Variants in ZC3H3 observed in about 807,000 individuals in gnomAD.
ZC3H3 encodes the protein zinc finger CCCH-type containing 3.
ZC3H3 carries 36 observed loss-of-function variants against 77.3 expected under a neutral mutation model. That is an observed-to-expected ratio of 0.47 (90% CI 0.36 to 0.61). ZC3H3 has a LOEUF of 0.61. Ranked by LOEUF, ZC3H3 falls within the 20% of genes least tolerant of loss-of-function variation. The pLI is 0.00. For missense variants in ZC3H3, 1,331 were observed against 1,312.2 expected, an observed-to-expected ratio of 1.01 and a Z score of -0.22; for synonymous variants, 626 against 555.2, an observed-to-expected ratio of 1.13 and a Z score of -1.79.
chr8:143,496,502 C>G (rs1412171890), intron 4 of ZC3H3, among the ~76,000 whole-genome samples: 1 of 152,210 alleles, frequency 6.6e-6, no homozygotes, highest in African/African-American at 2.4e-5. Context: ...ACCTGAGAAC[C>G]AGAATAACAG....
chr8:143,470,301 A>G (rs1351003380), intron 5 of ZC3H3, among the ~76,000 whole-genome samples: 2 of 152,198 alleles, frequency 1.3e-5, no homozygotes, highest in African/African-American at 4.8e-5. Flanking sequence ...CTGGGGCAGG[A>G]GCAGGAGCTA....
chr8:143,540,096 G>T (rs1822960846), intron 1 of ZC3H3, among the ~76,000 whole-genome samples: 1 of 152,270 alleles, frequency 6.6e-6, no homozygotes, highest in Non-Finnish European at 1.5e-5. Flanking sequence ...TGTGATGGGA[G>T]CTCAAGAAGT....
chr8:143,530,066 G>T lies in ZC3H3; in HGVS notation c.1561+6191C>A, dbSNP rs985328608. Among the ~76,000 whole-genome samples the T allele has an allele frequency of 1.3e-5, 2 of 152,172 alleles. No homozygotes were observed. The highest frequency in any genetic ancestry group is 2.9e-5 in the Non-Finnish European group (2 of 68,028). ...GCAGACTGAGGGACGGGTAGGAATCGCCCTCCGTGTGTACAGCAAGCTCTG... is the reference window on the plus strand; with the variant it reads ...GCAGACTGAGGGACGGGTAGGAATCTCCCTCCGTGTGTACAGCAAGCTCTG... On this transcript the variant is annotated intron_variant, in intron 3 of 11. Transcript: ENST00000262577. The surrounding 1 kb of genome is among the most constrained non-coding windows in gnomAD (Gnocchi z 4.3).
chr8:143,516,282 C>T (rs560141970), intron 3 of ZC3H3, among the ~76,000 whole-genome samples: 19 of 152,186 alleles, frequency 1.2e-4, no homozygotes, highest in Non-Finnish European at 2.8e-4. Context: ...GCTCCCAGGA[C>T]CTCAAACGCT....
chr8:143,439,469 G>A (rs925610364), intron 11 of ZC3H3, among the ~76,000 whole-genome samples: 4 of 152,194 alleles, frequency 2.6e-5, no homozygotes, highest in East Asian at 1.9e-4. Flanking sequence ...AGAAAGGGTC[G>A]TTTGCAGCCA....
intron 8 of ZC3H3, among the ~76,000 whole-genome samples, chr8:143,467,118 C>A (rs752489188): frequency 6.6e-6 from 1 of 151,756 alleles, no homozygotes; most frequent in African/African-American, 2.4e-5. Context: ...GGCTGGGGGC[C>A]GTTTGGGGCT....
At chr8:143,512,747 G>A (rs1033321554) in intron 3 of ZC3H3, among the ~76,000 whole-genome samples, 1 of 152,250 alleles carries the variant, frequency 6.6e-6, no homozygotes, top group African/African-American at 2.4e-5. Flanking sequence ...TCAGGGGGTT[G>A]CACCTTCAGC....
chr8:143,445,462 A>G (rs1819843625), intron 9 of ZC3H3, among the ~76,000 whole-genome samples: 1 of 151,348 alleles, frequency 6.6e-6, no homozygotes, highest in African/African-American at 2.4e-5. Flanking sequence ...GGGTGGGAGG[A>G]TTGCTTGAGA....
At chr8:143,473,353 C>T (rs1820632840) in intron 5 of ZC3H3, among the ~76,000 whole-genome samples, 1 of 152,204 alleles carries the variant, frequency 6.6e-6, no homozygotes, top group African/African-American at 2.4e-5. Context: ...TGAGAAAGGC[C>T]TCCCTGACCA....
chr8:143,507,016 C>T (rs968483011), intron 4 of ZC3H3, among the ~76,000 whole-genome samples: 1 of 152,256 alleles, frequency 6.6e-6, no homozygotes, highest in Non-Finnish European at 1.5e-5. Context: ...GGGTCTGCCA[C>T]TGCCTGCTTC....
At chr8:143,481,688 C>T (rs1437358504) in intron 4 of ZC3H3, among the ~76,000 whole-genome samples, 1 of 152,236 alleles carries the variant, frequency 6.6e-6, no homozygotes, top group Non-Finnish European at 1.5e-5. Context: ...CGTGTTGTCG[C>T]TCTGCACCTC....
intron 9 of ZC3H3, among the ~76,000 whole-genome samples, chr8:143,452,731 CAG>C (rs1491331177): frequency 1.3e-5 from 2 of 152,122 alleles, no homozygotes; most frequent in African/African-American, 4.8e-5. Context: ...ATGGATGAGA[CAG>C]AGAACTGGAA....
intron 9 of ZC3H3, among the ~76,000 whole-genome samples, chr8:143,463,172 A>G (rs977377606): frequency 3.9e-5 from 6 of 152,020 alleles, no homozygotes; most frequent in Non-Finnish European, 8.8e-5. Flanking sequence ...TTTAGTAGAG[A>G]TGGGGTTTCA....
chr8:143,530,259 G>A lies in ZC3H3; in HGVS notation c.1561+5998C>T, dbSNP rs985685345. 4.6e-4 allele frequency among the ~76,000 whole-genome samples: 70 copies of A among 152,084 alleles called. No individual in the cohort carries two copies. Among genetic ancestry groups the A allele is most frequent in the African/African-American group, 1.5e-3 (64 of 41,404 alleles). ...CCGCACCCTCCACCAGCACACTGGC[G>A]ACAAGTCTGGGAAGGCGGCTGCTTC... On this transcript the variant is annotated intron_variant, in intron 3 of 11. Coordinates refer to ENST00000262577, the MANE Select transcript of ZC3H3 (RefSeq NM_015117.3). The surrounding 1 kb of genome is among the most constrained non-coding windows in gnomAD (Gnocchi z 4.3).
chr8:143,480,239 C>T (rs1820871955), intron 4 of ZC3H3, among the ~76,000 whole-genome samples: 2 of 152,134 alleles, frequency 1.3e-5, no homozygotes, highest in Admixed American at 1.3e-4. Context: ...CAGGGGCAAA[C>T]CTGGTGCATC....
At chr8:143,512,988 C>T (rs1473714985) in intron 3 of ZC3H3, among the ~76,000 whole-genome samples, 1 of 152,046 alleles carries the variant, frequency 6.6e-6, no homozygotes, top group Non-Finnish European at 1.5e-5. Flanking sequence ...GGGCATAGGC[C>T]CAGCGCCAGA....
intron 5 of ZC3H3, among the ~76,000 whole-genome samples, chr8:143,472,782 G>A (rs1026191877): frequency 6.6e-6 from 1 of 152,236 alleles, no homozygotes; most frequent in Non-Finnish European, 1.5e-5. Context: ...GCCCCTCCGT[G>A]GGTCCCGCGG....
In ZC3H3 at chr8:143,437,975, G is replaced by A. The variant is rs1819628882; in HGVS notation, c.*81C>T. On this transcript the variant is annotated 3_prime_UTR_variant, in exon 12 of 12. Transcript: ENST00000262577. ...AGGCTTGGTGGCGGGCGGCCCTCCTGTGGGGTAGAGTGGTGGACAGAGCCT... is the reference window on the plus strand; with the variant it reads ...AGGCTTGGTGGCGGGCGGCCCTCCTATGGGGTAGAGTGGTGGACAGAGCCT... 2.6e-6 allele frequency: 4 copies of A among 1,556,884 alleles called. No individual in the cohort carries two copies. Among genetic ancestry groups the A allele is most frequent in the African/African-American group, 1.4e-5 (1 of 73,736 alleles).
At chr8:143,503,849 C>A (rs1288743965) in intron 4 of ZC3H3, among the ~76,000 whole-genome samples, 1 of 152,194 alleles carries the variant, frequency 6.6e-6, no homozygotes, top group Non-Finnish European at 1.5e-5. Context: ...CCAGAGAAAG[C>A]CGCTGACAGG....
Sources: gnomAD v4.1 joint callset for allele counts (sites outside exome capture counted in the v4.1 genomes callset) on GRCh38, gnomAD v4.1.1 for gene constraint, Gnocchi (gnomAD v3.1) non-coding constraint, MANE v1.5 for transcripts, NCBI Gene and HGNC (gene_info 2026-07-23, HGNC 2026-07-21) for gene names.